Variants in GPC5 observed in about 807,000 individuals in gnomAD.
The protein encoded by GPC5 is glypican 5.
GPC5 carries 47 observed loss-of-function variants against 53.9 expected under a neutral mutation model. The ratio of observed to expected loss-of-function variants is 0.87; its 90% CI spans 0.69 to 1.11. The LOEUF (loss-of-function observed/expected upper bound fraction) is 1.11. GPC5 is among the 50% of genes most tolerant of loss of function. The pLI is 0.00. For synonymous variants in GPC5, 286 were observed against 263.3 expected (o/e 1.09, Z -0.84); for missense variants, 748 against 713.1 (o/e 1.05, Z -0.56).
intron 7 of GPC5, among the ~76,000 whole-genome samples, chr13:92,229,638 G>C (rs932359798): frequency 6.6e-6 from 1 of 152,196 alleles, no homozygotes; most frequent in Admixed American, 6.6e-5. Flanking sequence ...ATGTCAGCCT[G>C]CTTTGAGCTG....
chr13:92,130,434 T>G (rs2041733908), intron 6 of GPC5, among the ~76,000 whole-genome samples: 1 of 151,930 alleles, frequency 6.6e-6, no homozygotes, highest in African/African-American at 2.4e-5. Context: ...TTAACACATT[T>G]TACAAACACA....
At chr13:92,657,748 T>TAA (rs1445112468) in intron 7 of GPC5, among the ~76,000 whole-genome samples, 2 of 152,028 alleles carry the variant, frequency 1.3e-5, no homozygotes, top group Non-Finnish European at 2.9e-5. Flanking sequence ...TTTTCCAAGA[T>TAA]AAGTCTGCAG....
chr13:92,390,774 G>T lies in GPC5; in HGVS notation c.1561+245785G>T, dbSNP rs149848323. ...AGAAGATGAATATGTGTTTTATCAA[G>T]TATATATAACTTTAACAAGGAAGTT... is the stretch of plus-strand genomic sequence containing the variant. On this transcript the variant is annotated intron_variant, in intron 7 of 7. Coordinates refer to ENST00000377067, the MANE Select transcript of GPC5 (RefSeq NM_004466.6). Among the ~76,000 whole-genome samples, 618 of 152,238 alleles carry T rather than the reference G, an allele frequency of 4.1e-3. 3 individuals are homozygous for T. Among genetic ancestry groups the T allele is most frequent in the African/African-American group, 0.014 (592 of 41,544 alleles).
intron 2 of GPC5, among the ~76,000 whole-genome samples, chr13:91,487,182 G>A (rs1161701306): frequency 6.6e-6 from 1 of 152,144 alleles, no homozygotes; most frequent in Non-Finnish European, 1.5e-5. Flanking sequence ...CACAAGGGGT[G>A]GAGATGGGGG....
chr13:91,693,456 C>T lies in GPC5; in HGVS notation c.595C>T (p.Arg199Trp), dbSNP rs747335895. 15 of 1,613,940 alleles carry T rather than the reference C, an allele frequency of 9.3e-6. No individual in the cohort carries two copies. The highest frequency in any genetic ancestry group is 2.7e-5 in the African/African-American group (2 of 74,874). ...CTCAGAATGCATCCGGATGGCTCGC[C>T]GGGATGTGAGTCCATTTGGTAATAT... ...EYSECIRMAR[R>W]DVSPFGNIPQ... The change falls in exon 3 of 8, where the codon CGG becomes TGG. Residue 199 changes from arginine (R) to tryptophan (W), a missense_variant. By Grantham distance (101) the Arg-to-Trp change is moderately radical (BLOSUM62 -3). Transcript: ENST00000377067.
chr13:91,968,467 C>CT (rs1176326023), intron 6 of GPC5, among the ~76,000 whole-genome samples: 1 of 150,200 alleles, frequency 6.7e-6, no homozygotes, highest in Non-Finnish European at 1.5e-5. Context: ...CTTTTTTTTT[C>CT]TTTTTTTGTT....
intron 5 of GPC5, among the ~76,000 whole-genome samples, chr13:91,759,763 T>C (rs1232679889): frequency 6.6e-6 from 1 of 152,090 alleles, no homozygotes; most frequent in East Asian, 1.9e-4. Context: ...TCAATTCTCG[T>C]TGATTGATTA....
At chr13:91,891,382 G>A (rs1208952253) in intron 5 of GPC5, among the ~76,000 whole-genome samples, 1 of 152,108 alleles carries the variant, frequency 6.6e-6, no homozygotes, top group Non-Finnish European at 1.5e-5. Flanking sequence ...ACCTTTGAAG[G>A]CAGATGTTCT....
chr13:92,353,053 G>A (rs2043492538), intron 7 of GPC5, among the ~76,000 whole-genome samples: 1 of 151,812 alleles, frequency 6.6e-6, no homozygotes, highest in Non-Finnish European at 1.5e-5. Context: ...GAGGTCAGGA[G>A]ATCGAGACCA....
intron 7 of GPC5, among the ~76,000 whole-genome samples, chr13:92,174,577 A>AAC (rs2042096136): frequency 1.3e-5 from 2 of 151,384 alleles, no homozygotes; most frequent in Non-Finnish European, 2.9e-5. Context: ...AACAAAAAAA[A>AAC]CAAAATTTAA....
chr13:91,890,416 G>A (rs1163926245), intron 5 of GPC5, among the ~76,000 whole-genome samples: 1 of 152,100 alleles, frequency 6.6e-6, no homozygotes, highest in Non-Finnish European at 1.5e-5. Context: ...CCTGCAGTAA[G>A]GTTTCAGTTG....
rs182526925 is a variant in GPC5, at chr13:91,510,831, G to A, written c.325+61909G>A. ...TTTGAGGAAGTTAACTTTTTCAGTT[G>A]TTTTATTAACTAATTTTATTTTGTG... On this transcript the variant is annotated intron_variant, in intron 2 of 7. Coordinates refer to ENST00000377067, the MANE Select transcript of GPC5 (RefSeq NM_004466.6). 7.2e-5 allele frequency among the ~76,000 whole-genome samples: 11 copies of A among 152,054 alleles called. No homozygotes were observed. In the East Asian group the frequency reaches 1.9e-3, roughly 27 times the overall value.
intron 6 of GPC5, among the ~76,000 whole-genome samples, chr13:92,070,134 C>T (rs755174256): frequency 3.9e-5 from 6 of 152,116 alleles, no homozygotes; most frequent in South Asian, 4.1e-4. Flanking sequence ...ACAAATAAAG[C>T]ATGAGAAGGA....
intron 7 of GPC5, among the ~76,000 whole-genome samples, chr13:92,702,406 G>T (rs1887782917): frequency 6.6e-6 from 1 of 151,776 alleles, no homozygotes; most frequent in Non-Finnish European, 1.5e-5. Context: ...TTCTCCTCTT[G>T]CCCCCTCCCC....
intron 7 of GPC5, among the ~76,000 whole-genome samples, chr13:92,394,826 A>G (rs1341792023): frequency 6.6e-6 from 1 of 152,184 alleles, no homozygotes; most frequent in Admixed American, 6.5e-5. Flanking sequence ...ATAAATTTTA[A>G]ATAGTGTTAG....
chr13:92,459,685 A>G (rs995176939), intron 7 of GPC5, among the ~76,000 whole-genome samples: 1 of 152,160 alleles, frequency 6.6e-6, no homozygotes, highest in Non-Finnish European at 1.5e-5. Context: ...GCCTTATTTA[A>G]TAATTTTCTA....
At chr13:92,739,578 T>A (rs1004992985) in intron 7 of GPC5, among the ~76,000 whole-genome samples, 1 of 152,012 alleles carries the variant, frequency 6.6e-6, no homozygotes, top group African/African-American at 2.4e-5. Flanking sequence ...CACAATCTTA[T>A]CAAAATTGTG....
chr13:92,364,839 G>A (rs1422263736), intron 7 of GPC5, among the ~76,000 whole-genome samples: 3 of 151,604 alleles, frequency 2.0e-5, no homozygotes, highest in Admixed American at 6.6e-5. Flanking sequence ...TCTTAAATAG[G>A]TTTGTAAGAG....
chr13:91,532,237 A>T (rs2138671468), intron 2 of GPC5, among the ~76,000 whole-genome samples: 1 of 152,332 alleles, frequency 6.6e-6, no homozygotes, highest in Non-Finnish European at 1.5e-5. Flanking sequence ...TGCAAATGGT[A>T]TTGAAAAGGG....
Sources: gnomAD v4.1 joint callset for allele counts (sites outside exome capture counted in the v4.1 genomes callset) on GRCh38, gnomAD v4.1.1 for gene constraint, MANE v1.5 for transcripts, NCBI Gene and HGNC (gene_info 2026-07-23, HGNC 2026-07-21) for gene names.